Variants in SCPEP1 observed in about 807,000 individuals in gnomAD.
SCPEP1 encodes serine carboxypeptidase 1.
SCPEP1 carries 51 observed loss-of-function variants against 63.8 expected under a neutral mutation model. The observed-to-expected ratio is 0.80, with a 90% confidence interval of 0.64 to 1.01. The LOEUF (loss-of-function observed/expected upper bound fraction) is 1.01. Among genes scored for constraint, SCPEP1 ranks in the 50% least tolerant of loss-of-function variants. The probability of loss-of-function intolerance (pLI) is 0.00; values close to 1 mark genes in which losing one functional copy is unlikely to be tolerated. For missense variants in SCPEP1, 499 were observed against 554.9 expected (o/e 0.90, Z 1.01); for synonymous variants, 204 against 207.8 (o/e 0.98, Z 0.16).
chr17:56,982,163 C>A (rs1050928160), intron 2 of SCPEP1, among the ~76,000 whole-genome samples: 1 of 152,162 alleles, frequency 6.6e-6, no homozygotes, highest in African/African-American at 2.4e-5. Flanking sequence ...GAAGACCACC[C>A]ACCAGGGAGG....
At chr17:56,984,330 C>G (rs1911154350) in intron 2 of SCPEP1, 1 of 152,348 alleles carries the variant, frequency 6.6e-6, no homozygotes, top group Admixed American at 6.5e-5. Flanking sequence ...CTGACAGGGC[C>G]CTTCTCATAG....
At chr17:56,978,262 C>T (rs1398512764) in intron 1 of SCPEP1, 27 bp downstream of exon 1, 1 of 1,512,374 alleles carries the variant, frequency 6.6e-7, no homozygotes, top group Non-Finnish European at 8.8e-7. Context: ...GGCGCACCAG[C>T]TGCCATGCCT....
chr17:57,003,845 T>C (rs985388127), intron 12 of SCPEP1, among the ~76,000 whole-genome samples: 1 of 152,014 alleles, frequency 6.6e-6, no homozygotes, highest in African/African-American at 2.4e-5. Flanking sequence ...GAATGAGTAG[T>C]GAGGAGAAGA....
Position 57,002,136 on chromosome 17 carries a change from C to T in SCPEP1, c.1251C>T (p.Ser417=), listed in dbSNP as rs1158723398. The T allele has an allele frequency of 6.2e-6, 10 of 1,614,098 alleles. No individual in the cohort carries two copies. The highest frequency in any genetic ancestry group is 8.5e-6 in the Non-Finnish European group (10 of 1,180,038). ...KSLETSAFVK[S]YKNLAFYWIL... ...TGGAAACATCTGCTTTTGTCAAGTC[C>T]TACAAGAACCTTGCTTTCTACTGGA... The change falls in exon 12 of 13, where the codon TCC becomes TCT. Residue 417 remains serine (S), a synonymous_variant. Coordinates refer to ENST00000262288, the MANE Select transcript of SCPEP1 (RefSeq NM_021626.3).
At chr17:56,982,983 C>T (rs934510742) in intron 2 of SCPEP1, 1 of 151,968 alleles carries the variant, frequency 6.6e-6, no homozygotes, top group East Asian at 1.9e-4. Context: ...TGACTTCTCT[C>T]GGGGGAATCT....
intron 8 of SCPEP1, chr17:56,995,855 C>A: frequency 5.0e-5 from 14 of 277,636 alleles, no homozygotes; most frequent in Non-Finnish European, 7.2e-5. Flanking sequence ...GCTTGTCCTT[C>A]ACTAAATGTA....
At chr17:56,988,833 A>G (rs1281905740) in intron 5 of SCPEP1, among the ~76,000 whole-genome samples, 1 of 152,054 alleles carries the variant, frequency 6.6e-6, no homozygotes, top group Non-Finnish European at 1.5e-5. Flanking sequence ...AAAATAGAAA[A>G]CTTGTATTCT....
In SCPEP1 at chr17:57,000,882, T is replaced by C; in HGVS notation, c.1022T>C (p.Met341Thr). ...GGQATNVFVN[M>T]EEDFMKPVIS... is the part of the protein sequence containing the mutation. ...CAGGCTACCAACGTCTTTGTGAACA[T>C]GGAGGAGGACTTCATGAAGCCAGTC... Residue 341 changes from methionine to threonine, a missense_variant, in exon 11 of 13, where the codon ATG becomes ACG. Met to Thr is a moderately conservative substitution (Grantham distance 81). Transcript: ENST00000262288. 1 of 1,614,124 alleles carries C rather than the reference T, an allele frequency of 6.2e-7. No individual in the cohort carries two copies. Among genetic ancestry groups the C allele is most frequent in the Non-Finnish European group, 8.5e-7 (1 of 1,180,030 alleles).
At chr17:57,002,406 C>T (rs1911766896) in intron 12 of SCPEP1, among the ~76,000 whole-genome samples, 1 of 152,134 alleles carries the variant, frequency 6.6e-6, no homozygotes, top group Non-Finnish European at 1.5e-5. Flanking sequence ...ATGGAGAAAC[C>T]TTGTCTCTAC....
intron 5 of SCPEP1, 62 bp downstream of exon 5, chr17:56,988,352 G>T (rs1911287709): frequency 3.2e-6 from 4 of 1,235,588 alleles, no homozygotes; most frequent in Non-Finnish European, 4.7e-6. Context: ...TTACTTTTAT[G>T]TACTCACGTG....
In SCPEP1 at chr17:56,981,161, C is replaced by G; in HGVS notation, c.156C>G (p.Phe52Leu). 1.9e-6 allele frequency: 3 copies of G among 1,614,146 alleles called. No homozygotes were observed. Among genetic ancestry groups the G allele is most frequent in the Non-Finnish European group, 2.5e-6 (3 of 1,179,958 alleles). The change falls in exon 2 of 13, where the codon TTC (phenylalanine) becomes TTG (leucine). Residue 52 changes from phenylalanine to leucine, a missense_variant. By Grantham distance (22) the Phe-to-Leu change is conservative. Coordinates refer to ENST00000262288, the MANE Select transcript of SCPEP1 (RefSeq NM_021626.3). ...CGGTCCGCAAGGATGCCTACATGTT[C>G]TGGTGGCTCTATTATGCCACCAACT... ...YVTVRKDAYMFWWLYYATNSC... is the reference protein window; with the variant it reads ...YVTVRKDAYMLWWLYYATNSC...
At chr17:56,990,990 T>C in intron 5 of SCPEP1, 109 bp from the exon 6 acceptor site, 1 of 837,394 alleles carries the variant, frequency 1.2e-6, no homozygotes, top group East Asian at 2.4e-5. Flanking sequence ...TAGGCTGGTC[T>C]TGTATTCCTA....
At chr17:56,985,533 G>A (rs1279716453) in intron 3 of SCPEP1, 66 bp downstream of exon 3, 4 of 1,182,482 alleles carry the variant, frequency 3.4e-6, no homozygotes, top group Non-Finnish European at 5.0e-6. Flanking sequence ...GCCCAACTCT[G>A]GGAGGGGCCA....
At position 57,006,246 on chromosome 17, in the gene SCPEP1, G is replaced by C. The variant is rs1391774301; in HGVS notation, c.*11G>C. 6.2e-7 allele frequency: 1 copy of C among 1,608,136 alleles called. No individual in the cohort carries two copies. Among genetic ancestry groups the C allele is most frequent in the Admixed American group, 1.7e-5 (1 of 59,204 alleles). ...ACTCAGCAAGAATAGGATGGATGGG[G>C]CTGGAGATGAGCTGGTTTGGCCTTG... On this transcript the variant is annotated 3_prime_UTR_variant, in exon 13 of 13. Transcript: ENST00000262288.
At chr17:56,983,743 G>A (rs1316274762) in intron 2 of SCPEP1, 2 of 151,944 alleles carry the variant, frequency 1.3e-5, no homozygotes, top group African/African-American at 4.8e-5. Context: ...GTTGGTCCAG[G>A]TTCAAAACAT....
rs375113299 is a variant in SCPEP1, at chr17:56,998,827, G to A, written c.994+329G>A. ...AATTAGCTGGGCATGGTGGCATGTG[G>A]CATATAGTTCTAACTACTTGGGAGG... On this transcript the variant is annotated intron_variant, in intron 10 of 12. Transcript: ENST00000262288. 3.9e-5 allele frequency among the ~76,000 whole-genome samples: 6 copies of A among 152,168 alleles called. No individual in the cohort carries two copies. The East Asian group carries it at 1.2e-3, about 29-fold the overall frequency.
At chr17:56,996,891 G>A in intron 8 of SCPEP1, 71 bp from the exon 9 acceptor site, 1 of 937,872 alleles carries the variant, frequency 1.1e-6, no homozygotes, top group Non-Finnish European at 1.7e-6. Flanking sequence ...AAAGAGCCAT[G>A]TGTCCTTCTG....
Position 57,002,122 on chromosome 17 carries a change from G to C in SCPEP1, c.1237G>C (p.Ala413Pro). ...YSDPKSLETSAFVKSYKNLAF... is the reference protein window; with the variant it reads ...YSDPKSLETSPFVKSYKNLAF... The stretch of plus-strand genomic sequence containing the variant: ...TGACCCTAAATCTTTGGAAACATCT[G>C]CTTTTGTCAAGTCCTACAAGAACCT... Residue 413 changes from alanine to proline, a missense_variant, in exon 12 of 13, where the codon GCT (alanine) becomes CCT (proline). Physicochemically the swap from Ala to Pro is conservative, Grantham distance 27 (BLOSUM62 -1). Transcript: ENST00000262288. 6.2e-7 allele frequency: 1 copy of C among 1,614,200 alleles called. No individual in the cohort carries two copies. Among genetic ancestry groups the C allele is most frequent in the Non-Finnish European group, 8.5e-7 (1 of 1,180,028 alleles).
chr17:56,989,699 C>T (rs1053627871), intron 5 of SCPEP1, among the ~76,000 whole-genome samples: 2 of 152,190 alleles, frequency 1.3e-5, no homozygotes, highest in African/African-American at 4.8e-5. Context: ...GTAATCCCAG[C>T]ACTTTGGGAG....
Sources: gnomAD v4.1 joint callset for allele counts (sites outside exome capture counted in the v4.1 genomes callset) on GRCh38, gnomAD v4.1.1 for gene constraint, MANE v1.5 for transcripts, NCBI Gene and HGNC (gene_info 2026-07-23, HGNC 2026-07-21) for gene names.